The following RANGAP1 variants were observed in gnomAD, a reference collection of about 807,000 sequenced individuals.
The protein encoded by RANGAP1 is ran GTPase-activating protein 1.
Under a neutral mutation model 63.5 loss-of-function variants are expected in RANGAP1, and 38 were observed. That is an observed-to-expected ratio of 0.60 (90% CI 0.46 to 0.78). The LOEUF (loss-of-function observed/expected upper bound fraction) is 0.78, where lower values mean the gene tolerates loss of function less well. RANGAP1 is among the 30% of genes least tolerant of loss of function. The pLI is 0.00. For missense variants in RANGAP1, 630 were observed against 740.3 expected, an observed-to-expected ratio of 0.85 and a Z score of 1.73; for synonymous variants, 329 against 310.5, an observed-to-expected ratio of 1.06 and a Z score of -0.63.
At position 41,256,704 on chromosome 22, in the gene RANGAP1, C is replaced by A; in HGVS notation, c.888+7G>T. 1 of 1,612,808 alleles carries A rather than the reference C, an allele frequency of 6.2e-7. No homozygotes were observed. The highest frequency in any genetic ancestry group is 1.1e-5 in the South Asian group (1 of 91,052). Reference sequence around the variant, plus strand: ...AGAGGGAGGACGTCAGGCGTCCAGGCTGGCACCTTTAGCTTGGGCAGGCCG... The same window carrying A: ...AGAGGGAGGACGTCAGGCGTCCAGGATGGCACCTTTAGCTTGGGCAGGCCG... On this transcript the variant is annotated splice_region_variant and intron_variant, in intron 8 of 15. Transcript: ENST00000356244.
the RANGAP1 span, chr22:41,301,839 G>T: frequency 6.6e-6 from 1 of 151,890 alleles, no homozygotes; most frequent in Non-Finnish European, 1.5e-5. Flanking sequence ...GGAGCCGCCC[G>T]CGCGCGAGGG....
chr22:41,280,568 G>T, intron 2 of RANGAP1: 1 of 916,522 alleles, frequency 1.1e-6, no homozygotes, highest in Non-Finnish European at 1.5e-6. Flanking sequence ...CTATTCCCAG[G>T]CCTGCCTGGG....
At chr22:41,264,918 C>T (rs1375148850) in intron 4 of RANGAP1, 75 bp from the exon 5 acceptor site, 2 of 1,461,328 alleles carry the variant, frequency 1.4e-6, no homozygotes, top group Non-Finnish European at 1.9e-6. Context: ...TGTGCCAGGC[C>T]CAGCTCTGCC....
chr22:41,265,663 C>A (rs1366957814), intron 4 of RANGAP1, among the ~76,000 whole-genome samples: 9 of 152,156 alleles, frequency 5.9e-5, no homozygotes, highest in Non-Finnish European at 1.0e-4. Context: ...CTCCTGGAAA[C>A]CTCCTGGGCT....
chr22:41,263,368 G>T (rs1047396390), intron 5 of RANGAP1, among the ~76,000 whole-genome samples: 2 of 152,134 alleles, frequency 1.3e-5, no homozygotes, highest in African/African-American at 4.8e-5. Context: ...GTTTTTATAT[G>T]TTTCTGTTTG....
chr22:41,253,012 G>C (rs1165312926), intron 11 of RANGAP1, 21 bp from the exon 12 acceptor site: 5 of 1,436,228 alleles, frequency 3.5e-6, no homozygotes, highest in Non-Finnish European at 4.6e-6. Flanking sequence ...GGGGCACAGA[G>C]GCTCTGGAGA....
upstream of RANGAP1, chr22:41,286,256 C>A (rs1601738392): frequency 6.6e-6 from 1 of 152,302 alleles, no homozygotes; most frequent in Non-Finnish European, 1.5e-5. Flanking sequence ...TTGTTCGAGG[C>A]CCCGGCCGGC....
At position 41,251,117 on chromosome 22, in the gene RANGAP1, CAA is replaced by C. The variant is rs776659055; in HGVS notation, c.1381-10_1381-9del. 6.2e-7 allele frequency: 1 copy of C among 1,611,064 alleles called. No homozygotes were observed. On this transcript the variant is annotated splice_polypyrimidine_tract_variant and intron_variant, in intron 12 of 15. Transcript: ENST00000356244. ...GGGGTCAGACGTGTCAGTCTGAGGACAAAAGAGACAATGGTTGGCCTGTGGCA... is the reference window on the plus strand; with the variant it reads ...GGGGTCAGACGTGTCAGTCTGAGGACAAGAGACAATGGTTGGCCTGTGGCA...
rs369523575 is a variant in RANGAP1 at position 41,254,406 on chromosome 22, C to T, written c.1162G>A (p.Glu388Lys). The T allele has an allele frequency of 1.6e-4, 258 of 1,613,572 alleles. No individual in the cohort carries two copies. The highest frequency in any genetic ancestry group is 2.1e-4 in the Non-Finnish European group (245 of 1,179,744). Residue 388 changes from glutamate to lysine, a missense_variant, in exon 11 of 16, where the codon GAA becomes AAA. This residue lies in a region of RANGAP1 where 428 missense variants were observed against 465.5 expected (regional missense o/e 0.92). Coordinates refer to ENST00000356244, the MANE Select transcript of RANGAP1 (RefSeq NM_002883.4). ...EEEEEDEEEE[E>K]EEEEEEEEEP... is the part of the protein sequence containing the mutation. ...TCTTCCTCCTCCTCCTCCTCTTCTT[C>T]CTCCTCTTCCTCATCTTCCTCCTCC...
chr22:41,249,493 A>AC, intron 14 of RANGAP1, 42 bp from the exon 15 acceptor site: 1 of 1,507,322 alleles, frequency 6.6e-7, no homozygotes. Flanking sequence ...CTTCAAAGTC[A>AC]CCTGGGGGGG....
Position 41,264,801 on chromosome 22 carries a change from C to T in RANGAP1, c.343G>A (p.Val115Met), listed in dbSNP as rs374899050. 6.2e-7 allele frequency: 1 copy of T among 1,613,368 alleles called. No individual in the cohort carries two copies. The highest frequency in any genetic ancestry group is 8.5e-7 in the Non-Finnish European group (1 of 1,179,406). The change falls in exon 5 of 16, where the codon GTG becomes ATG. Residue 115 changes from valine (V) to methionine (M), a missense_variant. Val to Met is a conservative substitution (Grantham distance 21). Around this residue, in one of 3 missense-constraint regions of RANGAP1, gnomAD observed 137 missense variants for 214.3 expected, o/e 0.64. Transcript: ENST00000356244. Reference protein sequence around the residue: ...EGLITAGAQLVELDLSDNAFG... With the variant: ...EGLITAGAQLMELDLSDNAFG... ...GCGTTGTCGCTTAAGTCCAGCTCCA[C>T]CAGCTGAGCCCCAGCTGTGATGAGT...
chr22:41,247,391 G>C (rs551007411), intron 15 of RANGAP1, among the ~76,000 whole-genome samples: 5 of 151,310 alleles, frequency 3.3e-5, no homozygotes, highest in African/African-American at 1.2e-4. Context: ...TCTCTTTGTT[G>C]CCCAGGCTGG....
rs903257791 is a variant in RANGAP1, at chr22:41,257,689, G to A, written c.774+259C>T. 1.3e-5 allele frequency among the ~76,000 whole-genome samples: 2 copies of A among 152,338 alleles called. No homozygotes were observed. Among genetic ancestry groups the A allele is most frequent in the Middle Eastern group, 3.4e-3 (1 of 294 alleles). On this transcript the variant is annotated intron_variant, in intron 7 of 15. Transcript: ENST00000356244. The surrounding 1 kb of genome is among the most constrained non-coding windows in gnomAD (Gnocchi z 4.0). ...CTGTGCAGCCTGAGAACAAACCAGCGGCAGCCGCTGGGGGCTGCAGAGGCG... is the reference window on the plus strand; with the variant it reads ...CTGTGCAGCCTGAGAACAAACCAGCAGCAGCCGCTGGGGGCTGCAGAGGCG...
intron 15 of RANGAP1, among the ~76,000 whole-genome samples, chr22:41,248,524 A>T (rs1485879199): frequency 6.6e-6 from 1 of 152,216 alleles, no homozygotes; most frequent in Non-Finnish European, 1.5e-5. Context: ...CTCCCCCAGC[A>T]AAGGGACTTC....
intron 6 of RANGAP1, 86 bp from the exon 7 acceptor site, chr22:41,258,192 C>A: frequency 1.4e-6 from 2 of 1,438,056 alleles, no homozygotes; most frequent in Non-Finnish European, 1.9e-6. Context: ...ACAGCAGGCA[C>A]AGGAATGGGC....
chr22:41,296,577 A>G, the RANGAP1 span, among the ~76,000 whole-genome samples: 112,388 of 150,958 alleles, frequency 0.74, 42,479 homozygotes, highest in Admixed American at 0.79. Flanking sequence ...AACCCAGGAG[A>G]TGGATGTTGA....
At chr22:41,264,489 C>G (rs1160614180) in intron 5 of RANGAP1, among the ~76,000 whole-genome samples, 175 bp downstream of exon 5, 1 of 152,196 alleles carries the variant, frequency 6.6e-6, no homozygotes, top group Non-Finnish European at 1.5e-5. Context: ...GCTTGGCAAC[C>G]CCACCCTCAT....
At chr22:41,281,124 G>C in intron 1 of RANGAP1, 42 bp from the exon 2 acceptor site, 1 of 1,499,512 alleles carries the variant, frequency 6.7e-7, no homozygotes, top group Non-Finnish European at 8.8e-7. Flanking sequence ...GAGTCTCCTG[G>C]GGCCCCTGGT....
chr22:41,271,875 G>A (rs1008805728), intron 3 of RANGAP1, among the ~76,000 whole-genome samples: 2 of 152,192 alleles, frequency 1.3e-5, no homozygotes, highest in African/African-American at 2.4e-5. Flanking sequence ...GGGCCATCAA[G>A]GGCAGATCCC....
Sources: allele counts gnomAD v4.1 joint callset (sites outside exome capture counted in the v4.1 genomes callset), GRCh38; gene constraint gnomAD v4.1.1; regional missense constraint gnomAD v4.1.1; non-coding constraint Gnocchi (gnomAD v3.1); transcripts MANE v1.5; gene names NCBI Gene and HGNC (gene_info 2026-07-23, HGNC 2026-07-21).